Variants in PERM1 observed in about 807,000 individuals in gnomAD.
PERM1 encodes the protein PGC-1 and ERR-induced regulator in muscle protein 1.
In PERM1, 45 loss-of-function variants were observed where a neutral mutation model predicts 44.1. That is an observed-to-expected ratio of 1.02 (90% confidence interval 0.80 to 1.31). The LOEUF (loss-of-function observed/expected upper bound fraction) is 1.31. Among genes scored for constraint, PERM1 ranks in the 50% most tolerant of loss-of-function variants. The pLI is 0.00. For synonymous variants in PERM1, 565 were observed against 477.1 expected (o/e 1.18, Z -2.40); for missense variants, 1,189 against 1,106.9 (o/e 1.07, Z -1.05).
chr1:979,813 G>T, exon 1 of PERM1: 1 of 1,550,206 alleles, frequency 6.5e-7, no homozygotes, highest in Non-Finnish European at 8.7e-7. Flanking sequence ...GCCATGTTTG[G>T]AGGCAGGTGT....
Position 978,890 on chromosome 1 carries a change from TAAGAG to T in PERM1, c.2135_2139del (p.Ala712GlufsTer19). ...ATCCGAGAGCACGTACCTGCCCGTC[TAAGAG>T]CCAGGTGGAGCCGCTCTACCACGGC... On this transcript the variant is annotated frameshift_variant, in exon 1 of 3. Coordinates refer to ENST00000433179, the Ensembl canonical transcript of PERM1. LOFTEE classifies it high-confidence loss of function. The T allele has an allele frequency of 6.7e-7, 1 of 1,490,452 alleles. No individual in the cohort carries two copies. The highest frequency in any genetic ancestry group is 1.4e-5 in the African/African-American group (1 of 70,956). The allele number at this position is 1,490,452 out of a possible 1,614,324, so 92.3% of individuals were successfully genotyped here.
chr1:975,476 CG>C, exon 3 of PERM1: 2 of 152,282 alleles, frequency 1.3e-5, no homozygotes, highest in Non-Finnish European at 2.9e-5. Context: ...CCAGGGCTCC[CG>C]GGGAGGGGCT....
exon 1 of PERM1, chr1:980,815 C>T (rs951015819): frequency 4.6e-5 from 64 of 1,397,926 alleles, no homozygotes; most frequent in Middle Eastern, 2.6e-4. Context: ...CTCGCAGCCC[C>T]GCCGGCTCCG....
chr1:978,775 G>T, intron 1 of PERM1, 106 bp downstream of exon 2: 1 of 1,087,162 alleles, frequency 9.2e-7, no homozygotes, highest in Non-Finnish European at 1.3e-6. Flanking sequence ...GCTAGGGGAT[G>T]ACCCAAGCCC....
At chr1:979,197 C>A in exon 1 of PERM1, 5 of 1,550,142 alleles carry the variant, frequency 3.2e-6, no homozygotes, top group Non-Finnish European at 4.4e-6. Flanking sequence ...TGTCCGGCCA[C>A]TGGACGCCTG....
rs1390967572 is a variant in PERM1 at position 976,633 on chromosome 1, G to A, written c.2150-9C>T. The A allele has an allele frequency of 6.5e-7, 1 of 1,549,020 alleles. No homozygotes were observed. The highest frequency in any genetic ancestry group is 1.7e-4 in the Middle Eastern group (1 of 5,984). On this transcript the variant is annotated splice_polypyrimidine_tract_variant and intron_variant, in intron 1 of 2. Coordinates refer to ENST00000433179, the Ensembl canonical transcript of PERM1. ...AGGCCCCCGGAGCTCCCCTAGGACA[G>A]AAGCTCACCTTCAGCCCCACGGCTG... is the stretch of plus-strand genomic sequence containing the variant.
At chr1:981,243 A>G, upstream of PERM1, 2 of 1,475,220 alleles carry the variant, frequency 1.4e-6, no homozygotes, top group Non-Finnish European at 1.8e-6. Flanking sequence ...GACGATTTCC[A>G]AGTTAGAAGA....
exon 2 of PERM1, chr1:976,592 A>C (rs1238577205): frequency 6.5e-6 from 10 of 1,549,500 alleles, no homozygotes; most frequent in Non-Finnish European, 8.7e-6. Flanking sequence ...TTCTGGCTGA[A>C]GGCAAATGAT....
chr1:976,087 G>T, exon 3 of PERM1: 1 of 1,344,180 alleles, frequency 7.4e-7, no homozygotes, highest in Non-Finnish European at 1.0e-6. Flanking sequence ...GGGTCAGAGG[G>T]CCCGGGCGAG....
At chr1:976,157 G>C in exon 3 of PERM1, 2 of 1,545,378 alleles carry the variant, frequency 1.3e-6, no homozygotes, top group Non-Finnish European at 8.7e-7. Flanking sequence ...CATCTCCCTG[G>C]CCCGGGCCTG....
exon 1 of PERM1, chr1:979,470 C>T (rs1643725046): frequency 6.5e-7 from 1 of 1,547,528 alleles, no homozygotes; most frequent in Non-Finnish European, 8.7e-7. Flanking sequence ...GGGCTGAGGC[C>T]TGTCCTGAGC....
chr1:976,486 C>G lies in PERM1; in HGVS notation c.2275+13G>C. The G allele has an allele frequency of 5.8e-6, 9 of 1,549,520 alleles. No individual in the cohort carries two copies. Among genetic ancestry groups the G allele is most frequent in the Non-Finnish European group, 7.0e-6 (8 of 1,146,402 alleles). ...TTCTAGGCGCAGCTCCCTCTGCCCC[C>G]AGGCACCCAAACCTGTTTTCCAGGC... On this transcript the variant is annotated intron_variant, in intron 2 of 2. Transcript: ENST00000433179.
rs1225057074 is a variant in PERM1 at position 976,739 on chromosome 1, TC to T, written c.2150-116del. 3.0e-5 allele frequency: 22 copies of T among 741,284 alleles called. 3 individuals carry two copies. The African/African-American group carries it at 6.1e-4, about 20-fold the overall frequency. 45.9% of individuals were successfully genotyped at this position (741,284 alleles called of 1,614,324 possible). On this transcript the variant is annotated intron_variant, in intron 1 of 2. Coordinates refer to ENST00000433179, the Ensembl canonical transcript of PERM1. ...ACCAACCCCGGGAACCGCCTCCCAC[TC>T]CCCCCGCCAACCCCGGGAACCGCCT...
exon 1 of PERM1, chr1:978,945 C>G: frequency 6.6e-7 from 1 of 1,507,694 alleles, no homozygotes. Flanking sequence ...TCCCAGGCCC[C>G]GCCCCCTCGG....
At chr1:979,472 G>C (rs13303368) in exon 1 of PERM1, 904,198 of 1,549,462 alleles carry the variant, frequency 0.58, 268,806 homozygotes, top group East Asian at 0.75. Flanking sequence ...GCTGAGGCCT[G>C]TCCTGAGCCT....
chr1:981,621 G>T (rs1298021507), upstream of PERM1, among the ~76,000 whole-genome samples: 2 of 152,242 alleles, frequency 1.3e-5, no homozygotes, highest in Admixed American at 1.3e-4. Context: ...GCCTTGGCTG[G>T]GCCAGGCTAT....
At position 976,472 on chromosome 1, in the gene PERM1, G is replaced by A. The variant is rs904957953; in HGVS notation, c.2275+27C>T. ...CCCCTCGGTCTGGCTTCTAGGCGCAGCTCCCTCTGCCCCCAGGCACCCAAA... is the reference window on the plus strand; with the variant it reads ...CCCCTCGGTCTGGCTTCTAGGCGCAACTCCCTCTGCCCCCAGGCACCCAAA... On this transcript the variant is annotated intron_variant, in intron 2 of 2. Transcript: ENST00000433179. The A allele has an allele frequency of 1.7e-5, 27 of 1,549,260 alleles. No individual in the cohort carries two copies. In the Admixed American group the frequency reaches 5.1e-4, roughly 29 times the overall value.
intron 1 of PERM1, 112 bp from the exon 3 acceptor site, chr1:976,736 C>G (rs1643626729): frequency 1.0e-6 from 1 of 979,400 alleles, no homozygotes; most frequent in African/African-American, 2.3e-5. Context: ...AACCGCCTCC[C>G]ACTCCCCCCG....
upstream of PERM1, among the ~76,000 whole-genome samples, chr1:981,479 C>T (rs1201909657): frequency 2.0e-5 from 3 of 152,248 alleles, no homozygotes; most frequent in Admixed American, 1.3e-4. Flanking sequence ...TTTCAGGGTC[C>T]ACCCGATGGG....
Sources: allele counts gnomAD v4.1 joint callset (sites outside exome capture counted in the v4.1 genomes callset), GRCh38; gene constraint gnomAD v4.1.1; transcripts MANE v1.5; gene names NCBI Gene and HGNC (gene_info 2026-07-23, HGNC 2026-07-21).